OSBPL10: variants seen among roughly 807,000 people sequenced by gnomAD.
OSBPL10 encodes oxysterol binding protein like 10.
In OSBPL10, 49 loss-of-function variants were observed where a neutral mutation model predicts 81.7. The ratio of observed to expected loss-of-function variants is 0.60; its 90% CI spans 0.48 to 0.76. OSBPL10 has a LOEUF of 0.76. Ranked by LOEUF, OSBPL10 falls within the 30% of genes least tolerant of loss-of-function variation. OSBPL10 has a pLI of 0.00. For missense variants in OSBPL10, 923 were observed against 987.8 expected (o/e 0.93, Z 0.88); for synonymous variants, 419 against 383.6 (o/e 1.09, Z -1.08).
intron 1 of OSBPL10, among the ~76,000 whole-genome samples, chr3:31,933,903 G>A (rs191057283): frequency 5.3e-5 from 8 of 151,856 alleles, no homozygotes; most frequent in African/African-American, 1.7e-4. Flanking sequence ...GAGGAAAGAA[G>A]ACAGAAAAAA....
intron 4 of OSBPL10, among the ~76,000 whole-genome samples, chr3:31,760,412 C>T (rs1349323919): frequency 6.6e-6 from 1 of 152,214 alleles, no homozygotes; most frequent in Non-Finnish European, 1.5e-5. Flanking sequence ...TCCATGTATG[C>T]TCAAGCTCCC....
chr3:31,946,130 G>A (rs1244039787), intron 1 of OSBPL10, among the ~76,000 whole-genome samples: 1 of 151,978 alleles, frequency 6.6e-6, no homozygotes, highest in Non-Finnish European at 1.5e-5. Flanking sequence ...ACAGGCACGT[G>A]CCACCATGCC....
chr3:31,679,425 G>T (rs1384633539), intron 8 of OSBPL10, among the ~76,000 whole-genome samples: 1 of 152,166 alleles, frequency 6.6e-6, no homozygotes, highest in East Asian at 1.9e-4. Flanking sequence ...TGCATCTCTG[G>T]CATCAAGGAT....
intron 2 of OSBPL10, among the ~76,000 whole-genome samples, chr3:32,023,775 G>A (rs559965921): frequency 6.6e-6 from 1 of 152,244 alleles, no homozygotes; most frequent in South Asian, 2.1e-4. Flanking sequence ...GTGGATACCT[G>A]AAACTGCAGA....
chr3:31,913,355 T>TCTCCTG (rs1266757249), intron 1 of OSBPL10, among the ~76,000 whole-genome samples: 1 of 151,982 alleles, frequency 6.6e-6, no homozygotes, highest in Non-Finnish European at 1.5e-5. Flanking sequence ...TTCAAGCGAT[T>TCTCCTG]CTCCTGCCTC....
intron 1 of OSBPL10, among the ~76,000 whole-genome samples, chr3:32,055,646 C>T (rs1699704199): frequency 6.6e-6 from 1 of 152,154 alleles, no homozygotes; most frequent in African/African-American, 2.4e-5. Context: ...TCTCTTGTAA[C>T]AAGACACAAT....
intron 1 of OSBPL10, among the ~76,000 whole-genome samples, chr3:31,976,746 T>C (rs952813211): frequency 1.3e-5 from 2 of 152,178 alleles, no homozygotes; most frequent in Admixed American, 1.3e-4. Flanking sequence ...TGTGAGCCAA[T>C]GCACCCAGCC....
At chr3:31,799,380 A>AAT (rs1491479427) in intron 4 of OSBPL10, among the ~76,000 whole-genome samples, 1 of 15,728 alleles carries the variant, frequency 6.4e-5, no homozygotes. Context: ...CTATCTCTTT[A>AAT]AAAAAAAAAA....
intron 10 of OSBPL10, among the ~76,000 whole-genome samples, chr3:31,666,304 G>A (rs1700189711): frequency 6.6e-6 from 1 of 152,224 alleles, no homozygotes; most frequent in Non-Finnish European, 1.5e-5. Context: ...GGTATGGGAA[G>A]ACCGAAGACC....
chr3:31,933,962 ATC>A (rs892478996), intron 1 of OSBPL10, among the ~76,000 whole-genome samples: 52 of 152,192 alleles, frequency 3.4e-4, no homozygotes, highest in African/African-American at 1.2e-3. Context: ...GAAATTAAAC[ATC>A]TCTGATAGTA....
intron 6 of OSBPL10, among the ~76,000 whole-genome samples, chr3:31,724,927 CCACGT>C (rs1365491789): frequency 1.3e-5 from 2 of 152,184 alleles, no homozygotes; most frequent in Non-Finnish European, 2.9e-5. Context: ...TCTTCAAATT[CCACGT>C]CATCTCACAG....
At chr3:31,913,470 G>A (rs552387306) in intron 1 of OSBPL10, among the ~76,000 whole-genome samples, 1 of 151,998 alleles carries the variant, frequency 6.6e-6, no homozygotes, top group Non-Finnish European at 1.5e-5. Flanking sequence ...GGATGGTCTC[G>A]ATCTCCTGAA....
At chr3:31,768,167 T>C (rs557783008) in intron 4 of OSBPL10, among the ~76,000 whole-genome samples, 1 of 152,324 alleles carries the variant, frequency 6.6e-6, no homozygotes, top group East Asian at 1.9e-4. Flanking sequence ...TAAACTGTCA[T>C]GGCGCTGGTG....
chr3:32,040,620 G>A (rs1167055604), intron 2 of OSBPL10, among the ~76,000 whole-genome samples: 1 of 151,856 alleles, frequency 6.6e-6, no homozygotes, highest in Non-Finnish European at 1.5e-5. Context: ...AGGATCAGTT[G>A]AGGCCAGGAG....
At chr3:31,689,997 G>C (rs1251418133) in intron 7 of OSBPL10, among the ~76,000 whole-genome samples, 2 of 152,172 alleles carry the variant, frequency 1.3e-5, no homozygotes, top group Non-Finnish European at 2.9e-5. Flanking sequence ...GAGGGGAGGA[G>C]AGAGGTTGGC....
At chr3:32,014,663 T>A (rs1300474314) in intron 2 of OSBPL10, among the ~76,000 whole-genome samples, 2 of 152,216 alleles carry the variant, frequency 1.3e-5, no homozygotes, top group Non-Finnish European at 2.9e-5. Flanking sequence ...ATTGTCCCTG[T>A]TTGCAGATGA....
intron 4 of OSBPL10, among the ~76,000 whole-genome samples, chr3:31,774,160 C>T (rs1167913807): frequency 8.1e-6 from 1 of 123,540 alleles, no homozygotes; most frequent in Non-Finnish European, 1.6e-5. Flanking sequence ...AAAACTCCAT[C>T]TCAAAAAAAA....
intron 2 of OSBPL10, among the ~76,000 whole-genome samples, chr3:32,038,683 A>C (rs1259677352): frequency 6.6e-6 from 1 of 152,188 alleles, no homozygotes; most frequent in African/African-American, 2.4e-5. Context: ...TGAAGATAGG[A>C]ATGAAGATCA....
chr3:31,843,414 C>T (rs566717353), intron 3 of OSBPL10, among the ~76,000 whole-genome samples: 8 of 152,290 alleles, frequency 5.3e-5, no homozygotes, highest in African/African-American at 1.9e-4. Flanking sequence ...CAAAAGCACA[C>T]CTCCTGGGGT....
Sources: allele counts gnomAD v4.1 joint callset (sites outside exome capture counted in the v4.1 genomes callset), GRCh38; gene constraint gnomAD v4.1.1; transcripts MANE v1.5; gene names NCBI Gene and HGNC (gene_info 2026-07-23, HGNC 2026-07-21).